Variants in TOR1B observed in about 807,000 individuals in gnomAD.
TOR1B encodes torsin family 1 member B.
In TOR1B, 14 loss-of-function variants were observed where a neutral mutation model predicts 29.2. That is an observed-to-expected ratio of 0.48 (90% confidence interval 0.32 to 0.75). TOR1B has a LOEUF of 0.75. Among genes scored for constraint, TOR1B ranks in the 30% least tolerant of loss-of-function variants. The pLI, the probability that TOR1B is intolerant of heterozygous loss-of-function variation, is 0.04. For synonymous variants in TOR1B, 166 were observed against 179.8 expected (o/e 0.92, Z 0.62); for missense variants, 400 against 433.9 (o/e 0.92, Z 0.69).
chr9:129,808,855 A>G (rs1354120810), intron 3 of TOR1B, 50 bp from the exon 4 acceptor site: 1 of 1,607,574 alleles, frequency 6.2e-7, no homozygotes, highest in Non-Finnish European at 8.5e-7. Context: ...CCCAGCAGAC[A>G]CAGAAGTCTT....
At position 129,803,475 on chromosome 9, in the gene TOR1B, G is replaced by A. The variant is rs974772223; in HGVS notation, c.199+64G>A. 5 of 1,273,532 alleles carry A rather than the reference G, an allele frequency of 3.9e-6. No individual in the cohort carries two copies. The African/African-American group carries it at 7.8e-5, about 20-fold the overall frequency. 78.9% of individuals were successfully genotyped at this position (1,273,532 alleles called of 1,614,324 possible). ...GGGCGCGGGGGCGCGGGGGCGCGGA[G>A]GGACGGCCTCGTGGGCGCCTGGCAC... On this transcript the variant is annotated intron_variant, in intron 1 of 4. Coordinates refer to ENST00000259339, the MANE Select transcript of TOR1B (RefSeq NM_014506.3).
chr9:129,804,788 G>A (rs1216271605), intron 2 of TOR1B, among the ~76,000 whole-genome samples: 3 of 148,204 alleles, frequency 2.0e-5, no homozygotes, highest in Non-Finnish European at 4.4e-5. Context: ...CTTGAACCTG[G>A]GTGGCAGAGG....
In TOR1B at chr9:129,803,232, T is replaced by C; in HGVS notation, c.20T>C (p.Leu7Pro). The part of the protein sequence containing the change: MLRAGW[L>P]RGAAALALLL... ...AGCGGGATGTTGCGGGCTGGGTGGC[T>C]CCGGGGCGCGGCGGCGCTGGCGCTG... The change falls in exon 1 of 5, where the codon CTC (leucine) becomes CCC (proline). Residue 7 changes from leucine (L) to proline (P), a missense_variant. Coordinates refer to ENST00000259339, the MANE Select transcript of TOR1B (RefSeq NM_014506.3). 1.3e-6 allele frequency: 2 copies of C among 1,531,958 alleles called. No individual in the cohort carries two copies. The highest frequency in any genetic ancestry group is 1.7e-6 in the Non-Finnish European group (2 of 1,146,900). The allele number at this position is 1,531,958 out of a possible 1,614,324, so 94.9% of individuals were successfully genotyped here. A position where few individuals can be genotyped will look rare whatever the true frequency, so the allele number is the denominator to read the frequency against.
Position 129,803,269 on chromosome 9 carries a change from C to T in TOR1B, c.57C>T (p.Ala19=). ...CGGCGCTGGCGCTGCTGCTGGCGGC[C>T]CGAGTGGTGGCGGCGTTCGAGCCCA... The part of the protein sequence containing the change: ...GAAALALLLA[A]RVVAAFEPIT... The change falls in exon 1 of 5, where the codon GCC becomes GCT. Residue 19 remains alanine, a synonymous_variant. Transcript: ENST00000259339. 2 of 1,565,092 alleles carry T rather than the reference C, an allele frequency of 1.3e-6. No individual in the cohort carries two copies. The highest frequency in any genetic ancestry group is 1.2e-5 in the South Asian group (1 of 86,608).
intron 3 of TOR1B, among the ~76,000 whole-genome samples, 196 bp from the exon 4 acceptor site, chr9:129,808,709 G>A (rs2130993068): frequency 6.6e-6 from 1 of 151,574 alleles, no homozygotes; most frequent in Non-Finnish European, 1.5e-5. Flanking sequence ...ACCACCATTA[G>A]CCTGGCTAAT....
rs557105725 is a variant in TOR1B at position 129,807,250 on chromosome 9, T to C, written c.528T>C (p.Phe176=). 3 of 1,614,184 alleles carry C rather than the reference T, an allele frequency of 1.9e-6. No homozygotes were observed. The highest frequency in any genetic ancestry group is 2.2e-5 in the South Asian group (2 of 91,080). ...CATGTGCGAACTCTGTTTTCATATT[T>C]GACGAGATGGATAAATTGCACCCCG... ...VSACANSVFI[F]DEMDKLHPGI... The change falls in exon 3 of 5, where the codon TTT becomes TTC. Residue 176 remains phenylalanine (F), a synonymous_variant. Coordinates refer to ENST00000259339, the MANE Select transcript of TOR1B (RefSeq NM_014506.3).
chr9:129,808,048 A>G (rs906858982), intron 3 of TOR1B, among the ~76,000 whole-genome samples: 1 of 151,924 alleles, frequency 6.6e-6, no homozygotes, highest in African/African-American at 2.4e-5. Context: ...AAAATGAAAC[A>G]GAAATGAAAA....
chr9:129,809,634 G>A lies in TOR1B; in HGVS notation c.*51G>A, dbSNP rs750457372. 3 of 1,603,944 alleles carry A rather than the reference G, an allele frequency of 1.9e-6. No homozygotes were observed. The highest frequency in any genetic ancestry group is 1.7e-5 in the Admixed American group (1 of 58,712). ...CAGCTGGGAGGCTCCGCACGCCAGAGGCCTTGCCTTTCAGAAGAACCCTGA... is the reference window on the plus strand; with the variant it reads ...CAGCTGGGAGGCTCCGCACGCCAGAAGCCTTGCCTTTCAGAAGAACCCTGA... On this transcript the variant is annotated 3_prime_UTR_variant, in exon 5 of 5. Coordinates refer to ENST00000259339, the MANE Select transcript of TOR1B (RefSeq NM_014506.3).
rs575421708 is a variant in TOR1B, at chr9:129,809,653, A to G, written c.*70A>G. On this transcript the variant is annotated 3_prime_UTR_variant, in exon 5 of 5. Transcript: ENST00000259339. ...GCCAGAGGCCTTGCCTTTCAGAAGA[A>G]CCCTGAAGACCGCTTTGGGGTTTTG... The G allele has an allele frequency of 6.3e-7, 1 of 1,588,198 alleles. No homozygotes were observed. The highest frequency in any genetic ancestry group is 2.2e-5 in the East Asian group (1 of 44,554).
chr9:129,808,668 G>T (rs1026621678), intron 3 of TOR1B, among the ~76,000 whole-genome samples: 3 of 146,302 alleles, frequency 2.1e-5, no homozygotes, highest in Admixed American at 1.4e-4. Context: ...TCCCACCTCA[G>T]CCTCCCATGT....
intron 2 of TOR1B, among the ~76,000 whole-genome samples, chr9:129,804,896 T>C (rs1453993111): frequency 6.7e-6 from 1 of 149,406 alleles, no homozygotes; most frequent in Non-Finnish European, 1.5e-5. Flanking sequence ...CCCAGCACTT[T>C]CGGAGGCCGA....
chr9:129,809,430 G>A lies in TOR1B; in HGVS notation c.858G>A (p.Met286Ile). ...FLPLEYRHVK[M>I]CVRAEMRARG... ...CTTTGGAGTACAGACATGTGAAAAT[G>A]TGTGTGAGGGCCGAGATGAGGGCCC... Residue 286 changes from methionine to isoleucine, a missense_variant, in exon 5 of 5, where the codon ATG becomes ATA. Coordinates refer to ENST00000259339, the MANE Select transcript of TOR1B (RefSeq NM_014506.3). 6.2e-7 allele frequency: 1 copy of A among 1,614,216 alleles called. No homozygotes were observed. The highest frequency in any genetic ancestry group is 8.5e-7 in the Non-Finnish European group (1 of 1,180,038).
In TOR1B at chr9:129,810,358, T is replaced by TGGGGG. The variant is rs2030789661; in HGVS notation, c.*779_*780insGGGGG. ...ACCTGTGTGTGTGTGTGTGGGGGGG[T>TGGGGG]GGGGCCTTCACCTAAGACCTCTGCA... On this transcript the variant is annotated 3_prime_UTR_variant, in exon 5 of 5. Transcript: ENST00000259339. 1.3e-6 allele frequency: 1 copy of TGGGGG among 760,568 alleles called. No homozygotes were observed. Among genetic ancestry groups the TGGGGG allele is most frequent in the East Asian group, 9.2e-5 (1 of 10,902 alleles). The allele number at this position is 760,568 out of a possible 1,614,324, so 47.1% of individuals were successfully genotyped here. A position where few individuals can be genotyped will look rare whatever the true frequency, so the allele number is the denominator to read the frequency against.
In TOR1B at chr9:129,810,658, ACCATTTGAAAT is replaced by A. The variant is rs1202595869; in HGVS notation, c.*1078_*1088del. ...TCAATCTCTCACTTTATTTTGTAGAACCATTTGAAATCCTAGGATGTGCTTGTTCTGGAAGG... is the reference window on the plus strand; with the variant it reads ...TCAATCTCTCACTTTATTTTGTAGAACCTAGGATGTGCTTGTTCTGGAAGG... On this transcript the variant is annotated 3_prime_UTR_variant, in exon 5 of 5. Coordinates refer to ENST00000259339, the MANE Select transcript of TOR1B (RefSeq NM_014506.3). 4 of 179,616 alleles carry A rather than the reference ACCATTTGAAAT, an allele frequency of 2.2e-5. No homozygotes were observed. The highest frequency in any genetic ancestry group is 9.4e-5 in the African/African-American group (4 of 42,562). 11.1% of individuals were successfully genotyped at this position (179,616 alleles called of 1,614,324 possible).
chr9:129,805,395 C>CT (rs2030422505), intron 2 of TOR1B, among the ~76,000 whole-genome samples: 1 of 151,548 alleles, frequency 6.6e-6, no homozygotes, highest in African/African-American at 2.4e-5. Context: ...GCACCCCAGC[C>CT]TGGGCAACAG....
intron 1 of TOR1B, 58 bp from the exon 2 acceptor site, chr9:129,804,015 C>A: frequency 6.2e-7 from 1 of 1,600,494 alleles, no homozygotes; most frequent in Non-Finnish European, 8.5e-7. Flanking sequence ...GAAAGTGCTG[C>A]GTTGCTGATG....
chr9:129,805,480 C>T (rs970935907), intron 2 of TOR1B, among the ~76,000 whole-genome samples: 1 of 152,130 alleles, frequency 6.6e-6, no homozygotes, highest in Admixed American at 6.6e-5. Context: ...GTGACTTACT[C>T]CTACAATCTT....
rs561714302 is a variant in TOR1B, at chr9:129,808,834, G to T, written c.642-71G>T. On this transcript the variant is annotated intron_variant, in intron 3 of 4. Transcript: ENST00000259339. Reference sequence around the variant, plus strand: ...CCCAAAGTGCTGGGATTACAGGCATGAGCCACCACACCCAGCAGACACAGA... The same window carrying T: ...CCCAAAGTGCTGGGATTACAGGCATTAGCCACCACACCCAGCAGACACAGA... 19 of 1,586,356 alleles carry T rather than the reference G, an allele frequency of 1.2e-5. No homozygotes were observed. The African/African-American group carries it at 2.4e-4, about 20-fold the overall frequency.
rs542740092 is a variant in TOR1B, at chr9:129,810,351, G to T, written c.*768G>T. ...TGAGCTGACCTGTGTGTGTGTGTGT[G>T]GGGGGGTGGGGCCTTCACCTAAGAC... On this transcript the variant is annotated 3_prime_UTR_variant, in exon 5 of 5. Coordinates refer to ENST00000259339, the MANE Select transcript of TOR1B (RefSeq NM_014506.3). 3.7e-5 allele frequency: 41 copies of T among 1,105,484 alleles called. 1 individual carries two copies. Among genetic ancestry groups the T allele is most frequent in the South Asian group, 4.3e-5 (3 of 69,786 alleles). 68.5% of individuals were successfully genotyped at this position (1,105,484 alleles called of 1,614,324 possible).
Sources: gnomAD v4.1 joint callset for allele counts (sites outside exome capture counted in the v4.1 genomes callset) on GRCh38, gnomAD v4.1.1 for gene constraint, MANE v1.5 for transcripts, NCBI Gene and HGNC (gene_info 2026-07-23, HGNC 2026-07-21) for gene names.